Variants in MTUS2 observed in about 807,000 individuals in gnomAD.
The protein encoded by MTUS2 is microtubule-associated tumor suppressor candidate 2.
Under a neutral mutation model 114.1 loss-of-function variants are expected in MTUS2, and 40 were observed. That is an observed-to-expected ratio of 0.35 (90% CI 0.27 to 0.46). The LOEUF is 0.46. MTUS2 is among the 20% of genes least tolerant of loss of function. The pLI is 1.00. For synonymous variants in MTUS2, 688 were observed against 672.0 expected, an observed-to-expected ratio of 1.02 and a Z score of -0.37; for missense variants, 1,679 against 1,705.4, an observed-to-expected ratio of 0.98 and a Z score of 0.27.
chr13:28,906,587 A>C (rs549259715), intron 2 of MTUS2, among the ~76,000 whole-genome samples: 4 of 151,678 alleles, frequency 2.6e-5, no homozygotes, highest in Non-Finnish European at 5.9e-5. Context: ...CTTAATCCTG[A>C]GTTCTAGTTT....
intron 8 of MTUS2, among the ~76,000 whole-genome samples, chr13:29,385,387 C>G (rs547656538): frequency 8.5e-5 from 13 of 152,242 alleles, no homozygotes; most frequent in African/African-American, 2.9e-4. Context: ...ACCCAAATGC[C>G]CAGGCACAGA....
intron 5 of MTUS2, among the ~76,000 whole-genome samples, chr13:29,102,272 A>G (rs1470751019): frequency 6.6e-6 from 1 of 152,228 alleles, no homozygotes; most frequent in Non-Finnish European, 1.5e-5. Context: ...AAAATTCCTG[A>G]TGACGTGTTT....
At chr13:28,969,992 C>G (rs1348753182) in intron 2 of MTUS2, among the ~76,000 whole-genome samples, 1 of 152,136 alleles carries the variant, frequency 6.6e-6, no homozygotes. Flanking sequence ...TGTTGCCAGG[C>G]TGGTCTTGAA....
At chr13:28,989,425 A>G (rs1448154910) in intron 2 of MTUS2, among the ~76,000 whole-genome samples, 1 of 152,230 alleles carries the variant, frequency 6.6e-6, no homozygotes, top group Non-Finnish European at 1.5e-5. Flanking sequence ...CACTGAATAC[A>G]AAATTGGCCT....
chr13:28,958,135 T>C (rs958397202), intron 2 of MTUS2, among the ~76,000 whole-genome samples: 6 of 152,250 alleles, frequency 3.9e-5, no homozygotes, highest in Admixed American at 3.9e-4. Context: ...CAAGTGCTTA[T>C]TAGGCATCTG....
chr13:29,140,648 G>GT (rs1018615402), intron 5 of MTUS2, among the ~76,000 whole-genome samples: 9 of 152,064 alleles, frequency 5.9e-5, no homozygotes, highest in Non-Finnish European at 1.2e-4. Context: ...TCATTCGTTT[G>GT]TTTTTTTCAC....
intron 2 of MTUS2, among the ~76,000 whole-genome samples, chr13:28,988,288 C>G (rs1361978617): frequency 1.3e-5 from 2 of 152,162 alleles, no homozygotes; most frequent in African/African-American, 4.8e-5. Flanking sequence ...GACTTGAGCT[C>G]AGCTATTCTT....
chr13:28,825,089 A>G (rs1038198243), intron 1 of MTUS2, among the ~76,000 whole-genome samples: 8 of 152,196 alleles, frequency 5.3e-5, no homozygotes, highest in African/African-American at 1.9e-4. Flanking sequence ...TCCTCATGAC[A>G]GCAGCCCCAT....
chr13:28,844,429 G>A (rs753386740), intron 2 of MTUS2, among the ~76,000 whole-genome samples: 11 of 152,008 alleles, frequency 7.2e-5, no homozygotes, highest in South Asian at 2.1e-4. Flanking sequence ...GCATGTGTGC[G>A]TGTGTGTGTA....
At chr13:29,096,397 C>T (rs897055272) in intron 4 of MTUS2, among the ~76,000 whole-genome samples, 2 of 152,200 alleles carry the variant, frequency 1.3e-5, no homozygotes, top group African/African-American at 4.8e-5. Flanking sequence ...TACATTATTC[C>T]ACAGTCTGAT....
At chr13:29,145,976 AAC>A (rs1269843467) in intron 5 of MTUS2, among the ~76,000 whole-genome samples, 2 of 152,224 alleles carry the variant, frequency 1.3e-5, no homozygotes, top group African/African-American at 4.8e-5. Flanking sequence ...TGACTCAGCC[AAC>A]ACTCTTACCC....
rs916589767 is a variant in MTUS2 at position 29,504,273 on chromosome 13, A to G, written c.*1067A>G. On this transcript the variant is annotated 3_prime_UTR_variant, in exon 16 of 16. Coordinates refer to ENST00000612955, the MANE Select transcript of MTUS2 (RefSeq NM_001033602.4). ...TCTGATGCGATGCTGTAAATGATCA[A>G]CTCTTTGAAATAGGACCCTCAGGCC... is the stretch of plus-strand genomic sequence containing the variant. 12 of 231,810 alleles carry G rather than the reference A, an allele frequency of 5.2e-5. No individual in the cohort carries two copies. 14.4% of individuals were successfully genotyped at this position (231,810 alleles called of 1,614,324 possible). A position where few individuals can be genotyped will look rare whatever the true frequency, so the allele number is the denominator to read the frequency against.
intron 7 of MTUS2, among the ~76,000 whole-genome samples, chr13:29,348,863 C>G (rs780094613): frequency 6.6e-6 from 1 of 152,158 alleles, no homozygotes; most frequent in Non-Finnish European, 1.5e-5. Flanking sequence ...GTTAATAGAG[C>G]CACTTCAGCT....
chr13:29,115,787 T>G (rs905634057), intron 5 of MTUS2, among the ~76,000 whole-genome samples: 1 of 152,212 alleles, frequency 6.6e-6, no homozygotes, highest in Non-Finnish European at 1.5e-5. Context: ...GCAAGCTAAT[T>G]AATTTACTTG....
At chr13:28,830,665 A>G (rs73161831) in intron 1 of MTUS2, among the ~76,000 whole-genome samples, 2,185 of 152,306 alleles carry the variant, frequency 0.014, 19 homozygotes, top group Non-Finnish European at 0.024. Context: ...ATGGGACACC[A>G]TTATGAATAC....
chr13:29,420,830 C>G (rs1323538537), intron 8 of MTUS2, among the ~76,000 whole-genome samples: 1 of 152,082 alleles, frequency 6.6e-6, no homozygotes, highest in Non-Finnish European at 1.5e-5. Context: ...TCCAAATATA[C>G]AGAAACTTAA....
intron 4 of MTUS2, among the ~76,000 whole-genome samples, chr13:29,071,093 C>T (rs1419931859): frequency 3.3e-5 from 5 of 151,558 alleles, no homozygotes; most frequent in African/African-American, 9.7e-5. Flanking sequence ...CAACCTCTGC[C>T]TCCCGGGTTC....
chr13:29,065,982 G>C (rs1342905703), intron 4 of MTUS2, among the ~76,000 whole-genome samples: 3 of 151,830 alleles, frequency 2.0e-5, no homozygotes, highest in African/African-American at 7.3e-5. Context: ...GAGCCTGTTT[G>C]TGTCTCTTTC....
At chr13:29,347,233 T>C (rs1257973937) in intron 7 of MTUS2, among the ~76,000 whole-genome samples, 2 of 152,252 alleles carry the variant, frequency 1.3e-5, no homozygotes, top group African/African-American at 4.8e-5. Flanking sequence ...CTTCTGCTTA[T>C]ACTGGGTTTG....
Sources: allele counts gnomAD v4.1 joint callset (sites outside exome capture counted in the v4.1 genomes callset), GRCh38; gene constraint gnomAD v4.1.1; transcripts MANE v1.5; gene names NCBI Gene and HGNC (gene_info 2026-07-23, HGNC 2026-07-21).